Variants in RARG observed in about 807,000 individuals in gnomAD.
The protein encoded by RARG is RAR-gamma.
RARG carries 17 observed loss-of-function variants against 43.7 expected under a neutral mutation model. The ratio of observed to expected loss-of-function variants is 0.39; its 90% CI spans 0.27 to 0.58. The LOEUF (loss-of-function observed/expected upper bound fraction) is 0.58, where lower values mean the gene tolerates loss of function less well. Among genes scored for constraint, RARG ranks in the 20% least tolerant of loss-of-function variants. The pLI is 0.57. For missense variants in RARG, 346 were observed against 598.7 expected (o/e 0.58, Z 4.40); for synonymous variants, 238 against 236.4 (o/e 1.01, Z -0.06).
rs1298480996 is a variant in RARG, at chr12:53,222,964, AC to A, written c.184+4397del. Among the ~76,000 whole-genome samples the A allele has an allele frequency of 4.6e-5, 7 of 151,718 alleles. No homozygotes were observed. The South Asian group carries it at 1.3e-3, about 27-fold the overall frequency. On this transcript the variant is annotated intron_variant, in intron 3 of 9. Transcript: ENST00000425354. ...CCTATGATCCCCACCACCAGGGCAT[AC>A]CCCCCTCCCAGCTAGAGCCCCACAA...
At position 53,214,221 on chromosome 12, in the gene RARG, G is replaced by T. The variant is rs1267232452; in HGVS notation, c.651C>A (p.Asp217Glu). 10 of 1,613,090 alleles carry T rather than the reference G, an allele frequency of 6.2e-6. No homozygotes were observed. Among genetic ancestry groups the T allele is most frequent in the Non-Finnish European group, 8.5e-6 (10 of 1,179,196 alleles). ...GCCCCAGATCCAGCTGCACGCGGTG[G>T]TCTGCACTGGAGTTCTGCAGAGGGG... ...LGKYTTNSSA[D>E]HRVQLDLGLW... Residue 217 changes from aspartate (D) to glutamate (E), a missense_variant, in exon 7 of 10, where the codon GAC becomes GAA. Transcript: ENST00000425354.
At chr12:53,222,313 G>GAA (rs1942996238) in intron 3 of RARG, among the ~76,000 whole-genome samples, 1 of 149,216 alleles carries the variant, frequency 6.7e-6, no homozygotes, top group South Asian at 2.1e-4. Flanking sequence ...GAGAGAGAGA[G>GAA]AGAAAGAAAG....
chr12:53,228,210 A>G (rs1943153746), intron 2 of RARG, among the ~76,000 whole-genome samples: 1 of 152,172 alleles, frequency 6.6e-6, no homozygotes, highest in South Asian at 2.1e-4. Flanking sequence ...GGCAAAGGTT[A>G]GGGGGACAGA....
chr12:53,227,680 CA>C lies in RARG; in HGVS notation c.-136del. 1 of 1,307,196 alleles carries C rather than the reference CA, an allele frequency of 7.6e-7. No individual in the cohort carries two copies. Among genetic ancestry groups the C allele is most frequent in the Non-Finnish European group, 9.8e-7 (1 of 1,020,342 alleles). The allele number at this position is 1,307,196 out of a possible 1,614,324, so 81.0% of individuals were successfully genotyped here. ...CTGCCTGGCCTGCCCACTGGGCCTCCAAAAGTCCTAGGGAGAAAGAGAGAGA... is the reference window on the plus strand; with the variant it reads ...CTGCCTGGCCTGCCCACTGGGCCTCCAAAGTCCTAGGGAGAAAGAGAGAGA... On this transcript the variant is annotated 5_prime_UTR_variant, in exon 3 of 10. Coordinates refer to ENST00000425354, the MANE Select transcript of RARG (RefSeq NM_000966.6). This position sits in a 1 kb window ranked among gnomAD's most constrained non-coding sequence, Gnocchi z 4.3.
At chr12:53,229,759 C>T (rs1943187160) in intron 2 of RARG, 1 of 171,320 alleles carries the variant, frequency 5.8e-6, no homozygotes, top group Non-Finnish European at 1.2e-5. Context: ...GAGGACTCCC[C>T]CATCCCCATG....
rs1042017098 is a variant in RARG at position 53,211,143 on chromosome 12, T to G, written c.*533A>C. 1 of 152,978 alleles carries G rather than the reference T, an allele frequency of 6.5e-6. No homozygotes were observed. The highest frequency in any genetic ancestry group is 2.1e-4 in the South Asian group (1 of 4,848). The allele number at this position is 152,978 out of a possible 1,614,324, so 9.5% of individuals were successfully genotyped here. A position where few individuals can be genotyped will look rare whatever the true frequency, so the allele number is the denominator to read the frequency against. ...TCACCCTCTGTTCCTGCCCCAGAAA[T>G]GCAGGGCCCAGCCTGCCCCCACCTT... On this transcript the variant is annotated 3_prime_UTR_variant, in exon 10 of 10. Transcript: ENST00000425354. The surrounding 1 kb of genome is among the most constrained non-coding windows in gnomAD (Gnocchi z 4.6).
Position 53,211,569 on chromosome 12 carries a change from T to C in RARG, c.*107A>G. On this transcript the variant is annotated 3_prime_UTR_variant, in exon 10 of 10. Coordinates refer to ENST00000425354, the MANE Select transcript of RARG (RefSeq NM_000966.6). The surrounding 1 kb of genome is among the most constrained non-coding windows in gnomAD (Gnocchi z 4.6). ...AAAACAAGGAGCTCATTGGAAGGGG[T>C]GGGGAGAGGGCAGAGCAGGTCCTCC... 5 of 1,068,010 alleles carry C rather than the reference T, an allele frequency of 4.7e-6. No homozygotes were observed. The South Asian group carries it at 1.1e-4, about 24-fold the overall frequency. The allele number at this position is 1,068,010 out of a possible 1,614,324, so 66.2% of individuals were successfully genotyped here.
At position 53,213,889 on chromosome 12, in the gene RARG, A is replaced by G; in HGVS notation, c.813+170T>C. 1 of 1,082,180 alleles carries G rather than the reference A, an allele frequency of 9.2e-7. No individual in the cohort carries two copies. The highest frequency in any genetic ancestry group is 1.3e-6 in the Non-Finnish European group (1 of 744,832). 67.0% of individuals were successfully genotyped at this position (1,082,180 alleles called of 1,614,324 possible). On this transcript the variant is annotated intron_variant, in intron 7 of 9. Coordinates refer to ENST00000425354, the MANE Select transcript of RARG (RefSeq NM_000966.6). The surrounding 1 kb of genome is among the most constrained non-coding windows in gnomAD (Gnocchi z 4.7). ...AAGTCAGGAGGAGACAGGGCATCCAAAAGTCTAGGATCAGGTCATAGGGGC... is the reference window on the plus strand; with the variant it reads ...AAGTCAGGAGGAGACAGGGCATCCAGAAGTCTAGGATCAGGTCATAGGGGC...
At position 53,213,276 on chromosome 12, in the gene RARG, A is replaced by G. The variant is rs1329810947; in HGVS notation, c.1019-33T>C. 1.3e-6 allele frequency: 2 copies of G among 1,530,890 alleles called. No homozygotes were observed. Among genetic ancestry groups the G allele is most frequent in the Non-Finnish European group, 9.0e-7 (1 of 1,110,280 alleles). The allele number at this position is 1,530,890 out of a possible 1,614,324, so 94.8% of individuals were successfully genotyped here. On this transcript the variant is annotated intron_variant, in intron 8 of 9. Transcript: ENST00000425354. The surrounding 1 kb of genome is among the most constrained non-coding windows in gnomAD (Gnocchi z 4.7). Reference sequence around the variant, plus strand: ...GACAAGTATACTGGAGTGAGAGGGGAAGGAAGAGATGGGGAAGACACAGTG... The same window carrying G: ...GACAAGTATACTGGAGTGAGAGGGGGAGGAAGAGATGGGGAAGACACAGTG...
rs1942722576 is a variant in RARG, at chr12:53,215,026, A to C, written c.475+267T>G. Among the ~76,000 whole-genome samples, 1 of 152,136 alleles carries C rather than the reference A, an allele frequency of 6.6e-6. No individual in the cohort carries two copies. Among genetic ancestry groups the C allele is most frequent in the Non-Finnish European group, 1.5e-5 (1 of 68,012 alleles). On this transcript the variant is annotated intron_variant, in intron 5 of 9. Coordinates refer to ENST00000425354, the MANE Select transcript of RARG (RefSeq NM_000966.6). This position sits in a 1 kb window ranked among gnomAD's most constrained non-coding sequence, Gnocchi z 6.4. ...AGGGACTGGCAAGCCCACTGGCTTC[A>C]TTTCCCCCATGAAACAGGGGGAATG...
intron 3 of RARG, among the ~76,000 whole-genome samples, chr12:53,226,718 T>C (rs1206411531): frequency 6.6e-6 from 1 of 151,820 alleles, no homozygotes; most frequent in Non-Finnish European, 1.5e-5. Context: ...TTCAAGCAAT[T>C]CTCGTGCCTC....
rs1288518945 is a variant in RARG, at chr12:53,213,567, C to T, written c.947G>A (p.Gly316Glu). The change falls in exon 8 of 10, where the codon GGG (glycine) becomes GAG (glutamate). Residue 316 changes from glycine (G) to glutamate (E), a missense_variant. Physicochemically the swap from Gly to Glu is moderately conservative, Grantham distance 98. Coordinates refer to ENST00000425354, the MANE Select transcript of RARG (RefSeq NM_000966.6). The surrounding 1 kb of genome is among the most constrained non-coding windows in gnomAD (Gnocchi z 4.7). The part of the protein sequence containing the change: ...PLTDLVFAFA[G>E]QLLPLEMDDT... Reference sequence around the variant, plus strand: ...ATCCATCTCCAGGGGCAGGAGCTGCCCAGCAAAGGCAAAGACAAGGTCTGT... The same window carrying T: ...ATCCATCTCCAGGGGCAGGAGCTGCTCAGCAAAGGCAAAGACAAGGTCTGT... 6.2e-7 allele frequency: 1 copy of T among 1,613,936 alleles called. No individual in the cohort carries two copies. The highest frequency in any genetic ancestry group is 8.5e-7 in the Non-Finnish European group (1 of 1,180,020).
In RARG at chr12:53,227,790, A is replaced by G; in HGVS notation, c.-142-103T>C. Reference sequence around the variant, plus strand: ...TGCAGTCTTCTCCCTCTGTGCTGCTACAGTTTATCCTGCCCTGGCTCAGGG... The same window carrying G: ...TGCAGTCTTCTCCCTCTGTGCTGCTGCAGTTTATCCTGCCCTGGCTCAGGG... On this transcript the variant is annotated intron_variant, in intron 2 of 9. Coordinates refer to ENST00000425354, the MANE Select transcript of RARG (RefSeq NM_000966.6). This position sits in a 1 kb window ranked among gnomAD's most constrained non-coding sequence, Gnocchi z 4.3. 1 of 893,446 alleles carries G rather than the reference A, an allele frequency of 1.1e-6. No homozygotes were observed. The highest frequency in any genetic ancestry group is 1.5e-6 in the Non-Finnish European group (1 of 675,690). The allele number at this position is 893,446 out of a possible 1,614,324, so 55.3% of individuals were successfully genotyped here. A position where few individuals can be genotyped will look rare whatever the true frequency, so the allele number is the denominator to read the frequency against.
chr12:53,229,544 C>T (rs1046137453), intron 2 of RARG, among the ~76,000 whole-genome samples: 3 of 152,180 alleles, frequency 2.0e-5, no homozygotes, highest in African/African-American at 7.2e-5. Context: ...CCAGTGTCTT[C>T]GCAGGCCCTA....
Position 53,227,296 on chromosome 12 carries a change from C to T in RARG, c.184+66G>A. The T allele has an allele frequency of 1.4e-6, 2 of 1,447,390 alleles. No homozygotes were observed. The highest frequency in any genetic ancestry group is 1.8e-6 in the Non-Finnish European group (2 of 1,086,412). The allele number at this position is 1,447,390 out of a possible 1,614,324, so 89.7% of individuals were successfully genotyped here. On this transcript the variant is annotated intron_variant, in intron 3 of 9. Coordinates refer to ENST00000425354, the MANE Select transcript of RARG (RefSeq NM_000966.6). This position sits in a 1 kb window ranked among gnomAD's most constrained non-coding sequence, Gnocchi z 4.3. ...CCTAACTGGGGTGCCAACTCTTTTA[C>T]CATCCACCCTCCTGATGCCTTCTTG...
intron 3 of RARG, among the ~76,000 whole-genome samples, chr12:53,220,576 A>C (rs1314652876): frequency 6.6e-6 from 1 of 152,138 alleles, no homozygotes; most frequent in East Asian, 1.9e-4. Context: ...GCAAGAGTGA[A>C]CATACATGTG....
At position 53,213,762 on chromosome 12, in the gene RARG, G is replaced by T. The variant is rs1040489042; in HGVS notation, c.814-62C>A. 4 of 1,489,224 alleles carry T rather than the reference G, an allele frequency of 2.7e-6. No homozygotes were observed. The African/African-American group carries it at 5.5e-5, about 21-fold the overall frequency. The allele number at this position is 1,489,224 out of a possible 1,614,324, so 92.3% of individuals were successfully genotyped here. On this transcript the variant is annotated intron_variant, in intron 7 of 9. Coordinates refer to ENST00000425354, the MANE Select transcript of RARG (RefSeq NM_000966.6). The surrounding 1 kb of genome is among the most constrained non-coding windows in gnomAD (Gnocchi z 4.7). ...CTGGGGGATGGGGAAAAGAGGGAAT[G>T]AGTGGAAAGTGAGGAGGTTAGGTCC...
chr12:53,224,492 G>T (rs1943061680), intron 3 of RARG, among the ~76,000 whole-genome samples: 2 of 152,076 alleles, frequency 1.3e-5, no homozygotes, highest in African/African-American at 4.8e-5. Context: ...TCAGATTTAA[G>T]CCTCTAAACC....
At chr12:53,228,609 T>A (rs751643081) in intron 2 of RARG, among the ~76,000 whole-genome samples, 1 of 152,216 alleles carries the variant, frequency 6.6e-6, no homozygotes, top group Non-Finnish European at 1.5e-5. Context: ...TCTAAGGATG[T>A]TGATGGAGCC....
Sources: gnomAD v4.1 joint callset for allele counts (sites outside exome capture counted in the v4.1 genomes callset) on GRCh38, gnomAD v4.1.1 for gene constraint, Gnocchi (gnomAD v3.1) non-coding constraint, MANE v1.5 for transcripts, NCBI Gene and HGNC (gene_info 2026-07-23, HGNC 2026-07-21) for gene names.